CNTNAP5: variants seen among roughly 807,000 people sequenced by gnomAD.
The protein encoded by CNTNAP5 is contactin-associated protein-like 5.
CNTNAP5 carries 72 observed loss-of-function variants against 150.2 expected under a neutral mutation model. The observed-to-expected ratio is 0.48, with a 90% CI of 0.40 to 0.58. The LOEUF is 0.58. Ranked by LOEUF, CNTNAP5 falls within the 20% of genes least tolerant of loss-of-function variation. CNTNAP5 has a pLI of 0.00. For synonymous variants in CNTNAP5, 672 were observed against 619.8 expected (o/e 1.08, Z -1.25); for missense variants, 1,636 against 1,626.2 (o/e 1.01, Z -0.10).
chr2:124,224,751 A>G (rs560186072), intron 2 of CNTNAP5, among the ~76,000 whole-genome samples: 1 of 152,230 alleles, frequency 6.6e-6, no homozygotes, highest in East Asian at 1.9e-4. Flanking sequence ...TATTAATGCT[A>G]TTAAGAACAG....
chr2:124,464,987 A>C (rs1693342883), intron 6 of CNTNAP5, among the ~76,000 whole-genome samples: 1 of 151,788 alleles, frequency 6.6e-6, no homozygotes, highest in African/African-American at 2.4e-5. Context: ...AAACTTCAAA[A>C]GTATCAGATA....
At chr2:124,492,057 C>T (rs1228680774) in intron 7 of CNTNAP5, among the ~76,000 whole-genome samples, 2 of 151,808 alleles carry the variant, frequency 1.3e-5, no homozygotes, top group Non-Finnish European at 2.9e-5. Context: ...ATGTTTTCTC[C>T]CATTCTGTAG....
chr2:124,052,499 G>A (rs1681726069), intron 1 of CNTNAP5, among the ~76,000 whole-genome samples: 1 of 152,216 alleles, frequency 6.6e-6, no homozygotes, highest in South Asian at 2.1e-4. Context: ...CAGAGAGGAA[G>A]GGTAAATTAA....
chr2:124,718,620 A>G (rs1181161301), intron 13 of CNTNAP5, among the ~76,000 whole-genome samples: 1 of 152,104 alleles, frequency 6.6e-6, no homozygotes, highest in Non-Finnish European at 1.5e-5. Flanking sequence ...TGTTTCTCTT[A>G]GGTGTGATGG....
intron 13 of CNTNAP5, among the ~76,000 whole-genome samples, chr2:124,649,901 T>C (rs1678283880): frequency 6.6e-6 from 1 of 152,190 alleles, no homozygotes; most frequent in Non-Finnish European, 1.5e-5. Flanking sequence ...AATTGTTCCA[T>C]AATGGGAAAC....
intron 17 of CNTNAP5, among the ~76,000 whole-genome samples, chr2:124,789,587 G>T (rs76321928): frequency 9.9e-5 from 15 of 152,086 alleles, no homozygotes; most frequent in African/African-American, 3.4e-4. Context: ...CCCAGTGTCT[G>T]TTGCTCCCCT....
intron 1 of CNTNAP5, among the ~76,000 whole-genome samples, chr2:124,027,412 T>C (rs1680925048): frequency 6.6e-6 from 1 of 152,148 alleles, no homozygotes. Flanking sequence ...GTGAATACTT[T>C]GAAAAGCCAC....
At chr2:124,634,147 T>A (rs1677923934) in intron 12 of CNTNAP5, among the ~76,000 whole-genome samples, 1 of 152,226 alleles carries the variant, frequency 6.6e-6, no homozygotes, top group African/African-American at 2.4e-5. Context: ...ATGCTTTCCC[T>A]GAAAGTGGGC....
At chr2:124,553,434 G>A (rs1266881650) in intron 10 of CNTNAP5, among the ~76,000 whole-genome samples, 1 of 151,508 alleles carries the variant, frequency 6.6e-6, no homozygotes, top group African/African-American at 2.4e-5. Flanking sequence ...AACCTAAGAG[G>A]TGGAGGTTGT....
intron 1 of CNTNAP5, among the ~76,000 whole-genome samples, chr2:124,051,832 G>A (rs1681704902): frequency 6.6e-6 from 1 of 152,292 alleles, no homozygotes; most frequent in Admixed American, 6.5e-5. Flanking sequence ...GATTTTGCTT[G>A]ATTTCCTTCT....
intron 13 of CNTNAP5, among the ~76,000 whole-genome samples, chr2:124,746,984 A>C (rs1680616365): frequency 6.6e-6 from 1 of 152,246 alleles, no homozygotes; most frequent in African/African-American, 2.4e-5. Flanking sequence ...TTAAATATAT[A>C]GAAAGAGTGA....
At chr2:124,438,387 C>T (rs1269242546) in intron 5 of CNTNAP5, among the ~76,000 whole-genome samples, 4 of 152,118 alleles carry the variant, frequency 2.6e-5, no homozygotes, top group African/African-American at 2.4e-5. Context: ...AGAGATATTA[C>T]GTGACAAGAG....
intron 10 of CNTNAP5, among the ~76,000 whole-genome samples, chr2:124,541,867 G>A (rs377258709): frequency 1.3e-5 from 2 of 152,190 alleles, no homozygotes; most frequent in South Asian, 2.1e-4. Context: ...TCTCAAGGGT[G>A]AACTCTTGTC....
At chr2:124,096,719 A>G (rs921326758) in intron 1 of CNTNAP5, among the ~76,000 whole-genome samples, 1 of 151,766 alleles carries the variant, frequency 6.6e-6, no homozygotes, top group African/African-American at 2.4e-5. Context: ...TTTATTTATT[A>G]TAGAGACAGA....
At chr2:124,531,126 T>A (rs114624133) in intron 10 of CNTNAP5, among the ~76,000 whole-genome samples, 19 of 152,086 alleles carry the variant, frequency 1.2e-4, no homozygotes, top group African/African-American at 3.6e-4. Flanking sequence ...CTGAGGGTGA[T>A]CGAAGACAGT....
At chr2:124,746,225 G>A (rs1680600111) in intron 13 of CNTNAP5, among the ~76,000 whole-genome samples, 1 of 152,132 alleles carries the variant, frequency 6.6e-6, no homozygotes, top group Non-Finnish European at 1.5e-5. Context: ...GCCTAATGAT[G>A]TATAACACTT....
intron 1 of CNTNAP5, among the ~76,000 whole-genome samples, chr2:124,200,529 G>GT (rs1370531855): frequency 6.6e-6 from 1 of 150,786 alleles, no homozygotes; most frequent in South Asian, 2.1e-4. Flanking sequence ...TTGAATTGTG[G>GT]TAAAAAAAAA....
At chr2:124,711,445 C>G (rs193001965) in intron 13 of CNTNAP5, among the ~76,000 whole-genome samples, 18 of 152,098 alleles carry the variant, frequency 1.2e-4, no homozygotes. Flanking sequence ...ATTTCCTTCT[C>G]CCTGTCTCTA....
At chr2:124,398,877 C>A (rs1158332877) in intron 3 of CNTNAP5, among the ~76,000 whole-genome samples, 1 of 152,022 alleles carries the variant, frequency 6.6e-6, no homozygotes, top group Non-Finnish European at 1.5e-5. Context: ...TTGCAGTGAT[C>A]CAGGAAGGAC....
Sources: allele counts gnomAD v4.1 joint callset (sites outside exome capture counted in the v4.1 genomes callset), GRCh38; gene constraint gnomAD v4.1.1; transcripts MANE v1.5; gene names NCBI Gene and HGNC (gene_info 2026-07-23, HGNC 2026-07-21).